Variants in CCSER1 observed in about 807,000 individuals in gnomAD.
CCSER1 encodes coiled-coil serine rich protein 1, also known as serine-rich coiled-coil domain-containing protein 1.
CCSER1 carries 41 observed loss-of-function variants against 82.0 expected under a neutral mutation model. That is an observed-to-expected ratio of 0.50 (90% CI 0.39 to 0.65). CCSER1 has a LOEUF of 0.65. CCSER1 is among the 30% of genes least tolerant of loss of function. The pLI, the probability that CCSER1 is intolerant of heterozygous loss-of-function variation, is 0.00. For missense variants in CCSER1, 1,119 were observed against 1,064.2 expected (o/e 1.05, Z -0.72); for synonymous variants, 414 against 383.9 (o/e 1.08, Z -0.92).
chr4:91,043,892 C>G (rs987479844), intron 9 of CCSER1, among the ~76,000 whole-genome samples: 1 of 152,118 alleles, frequency 6.6e-6, no homozygotes, highest in African/African-American at 2.4e-5. Flanking sequence ...CTGGCTCAGA[C>G]TTCTTATGGA....
At chr4:91,229,692 G>A (rs1221498498) in intron 10 of CCSER1, among the ~76,000 whole-genome samples, 2 of 152,112 alleles carry the variant, frequency 1.3e-5, no homozygotes, top group Non-Finnish European at 2.9e-5. Flanking sequence ...GCAGGGACAT[G>A]GATGAAGCTG....
intron 2 of CCSER1, among the ~76,000 whole-genome samples, chr4:90,311,388 T>G (rs77747444): frequency 0.015 from 2,203 of 148,926 alleles, 35 homozygotes; most frequent in African/African-American, 0.045. Context: ...TGGGATCCTA[T>G]TTGTAACACA....
chr4:91,393,075 A>G (rs1390092504), intron 10 of CCSER1, among the ~76,000 whole-genome samples: 1 of 152,112 alleles, frequency 6.6e-6, no homozygotes, highest in Non-Finnish European at 1.5e-5. Context: ...TTCTAATAAA[A>G]TCAGCACATA....
At chr4:90,652,570 A>G (rs1728954893) in intron 6 of CCSER1, among the ~76,000 whole-genome samples, 2 of 152,126 alleles carry the variant, frequency 1.3e-5, no homozygotes. Context: ...AAAGATCTAG[A>G]CCCAATAAGG....
At chr4:90,989,818 C>T (rs950775067) in intron 9 of CCSER1, among the ~76,000 whole-genome samples, 1 of 151,268 alleles carries the variant, frequency 6.6e-6, no homozygotes, top group African/African-American at 2.4e-5. Context: ...TTATATTTGA[C>T]AGAAAACAGG....
intron 10 of CCSER1, among the ~76,000 whole-genome samples, chr4:91,404,700 G>A (rs1201688650): frequency 6.6e-6 from 1 of 152,008 alleles, no homozygotes; most frequent in African/African-American, 2.4e-5. Flanking sequence ...TGTTGTTGAG[G>A]GGTTTTGAGT....
intron 10 of CCSER1, among the ~76,000 whole-genome samples, chr4:91,203,694 A>G (rs1736118303): frequency 6.6e-6 from 1 of 151,878 alleles, no homozygotes; most frequent in Non-Finnish European, 1.5e-5. Flanking sequence ...TGGGTGGAAG[A>G]GTAAAGACCT....
At chr4:90,722,207 T>G (rs541179601) in intron 6 of CCSER1, among the ~76,000 whole-genome samples, 13 of 151,900 alleles carry the variant, frequency 8.6e-5, no homozygotes, top group African/African-American at 3.1e-4. Flanking sequence ...CTATGTCTCC[T>G]AAATATATAG....
intron 10 of CCSER1, among the ~76,000 whole-genome samples, chr4:91,385,508 A>T (rs1268416514): frequency 6.6e-6 from 1 of 151,982 alleles, no homozygotes; most frequent in Non-Finnish European, 1.5e-5. Context: ...TGACTTTTAG[A>T]TGGAGGTTAA....
intron 6 of CCSER1, among the ~76,000 whole-genome samples, chr4:90,700,616 G>A (rs1396687875): frequency 1.3e-5 from 2 of 152,150 alleles, no homozygotes; most frequent in African/African-American, 4.8e-5. Context: ...CAGTGTAAAA[G>A]TGTTCCTATT....
rs1365548154 is a variant in CCSER1 at position 91,411,523 on chromosome 4, TATAA to T, written c.2218-187047_2218-187044del. On this transcript the variant is annotated intron_variant, in intron 10 of 10. Transcript: ENST00000509176. Reference sequence around the variant, plus strand: ...ATATATATATATATATATATATATATATAAAATCTTGACTAGTTAATATATTTAA... The same window carrying T: ...ATATATATATATATATATATATATATAATCTTGACTAGTTAATATATTTAA... 4.5e-3 allele frequency among the ~76,000 whole-genome samples: 575 copies of T among 126,668 alleles called. 5 individuals carry two copies. The highest frequency in any genetic ancestry group is 0.016 in the African/African-American group (513 of 31,286). 83.1% of individuals were successfully genotyped at this position (126,668 alleles called of 152,430 possible).
intron 6 of CCSER1, among the ~76,000 whole-genome samples, chr4:90,655,374 C>G (rs1420107284): frequency 6.6e-6 from 1 of 151,962 alleles, no homozygotes; most frequent in Non-Finnish European, 1.5e-5. Flanking sequence ...ATGACAGTAA[C>G]AGTCTAGTGT....
intron 10 of CCSER1, among the ~76,000 whole-genome samples, chr4:91,478,487 A>G (rs1282795266): frequency 6.6e-6 from 1 of 151,934 alleles, no homozygotes; most frequent in Non-Finnish European, 1.5e-5. Flanking sequence ...AATAAGGATC[A>G]GTCACTAAAA....
chr4:91,441,530 A>C (rs1755147673), intron 10 of CCSER1, among the ~76,000 whole-genome samples: 1 of 152,114 alleles, frequency 6.6e-6, no homozygotes, highest in Non-Finnish European at 1.5e-5. Flanking sequence ...AATGGGCAAA[A>C]ACTGGAAGCA....
rs559846962 is a variant in CCSER1 at position 91,154,420 on chromosome 4, T to A, written c.2217+68426T>A. Among the ~76,000 whole-genome samples, 99 of 152,152 alleles carry A rather than the reference T, an allele frequency of 6.5e-4. 1 individual carries two copies. In the South Asian group the frequency reaches 0.01, roughly 16 times the overall value. On this transcript the variant is annotated intron_variant, in intron 10 of 10. Coordinates refer to ENST00000509176, the MANE Select transcript of CCSER1 (RefSeq NM_001145065.2). ...CTGGTGCCATTTGTTACGGCTTCCC[T>A]TGGTTTGGAAAGGGAATTCCCTGAC...
In CCSER1 at chr4:90,867,855, T is replaced by C. The variant is rs181135540; in HGVS notation, c.2094+52010T>C. On this transcript the variant is annotated intron_variant, in intron 8 of 10. Transcript: ENST00000509176. ...ACATAATGTCCTCCAGTTCCATTCA[T>C]GTTGTTCCGAAGGACAGGATCTCAT... Among the ~76,000 whole-genome samples, 314 of 152,154 alleles carry C rather than the reference T, an allele frequency of 2.1e-3. 3 individuals are homozygous for C. Among genetic ancestry groups the C allele is most frequent in the African/African-American group, 7.1e-3 (295 of 41,548 alleles).
At chr4:90,295,118 T>G (rs1263503962) in intron 1 of CCSER1, among the ~76,000 whole-genome samples, 1 of 151,968 alleles carries the variant, frequency 6.6e-6, no homozygotes, top group African/African-American at 2.4e-5. Flanking sequence ...TTAATGAACA[T>G]TTATATTATT....
chr4:90,825,097 G>A (rs1760240909), intron 8 of CCSER1, among the ~76,000 whole-genome samples: 1 of 152,148 alleles, frequency 6.6e-6, no homozygotes, highest in Admixed American at 6.5e-5. Context: ...ATTTGCTGTA[G>A]CAATAGTACA....
intron 8 of CCSER1, among the ~76,000 whole-genome samples, chr4:90,816,550 T>C (rs927062903): frequency 1.3e-5 from 2 of 152,050 alleles, no homozygotes; most frequent in Non-Finnish European, 2.9e-5. Flanking sequence ...TCAATATAAA[T>C]TTTAAAAGAT....
Sources: gnomAD v4.1 joint callset for allele counts (sites outside exome capture counted in the v4.1 genomes callset) on GRCh38, gnomAD v4.1.1 for gene constraint, MANE v1.5 for transcripts, NCBI Gene and HGNC (gene_info 2026-07-23, HGNC 2026-07-21) for gene names.